MORN1: variants seen among roughly 807,000 people sequenced by gnomAD.
The protein encoded by MORN1 is MORN repeat containing 1, also known as MORN repeat-containing protein 1.
In MORN1, 67 loss-of-function variants were observed where a neutral mutation model predicts 61.9. The ratio of observed to expected loss-of-function variants is 1.08; its 90% confidence interval spans 0.89 to 1.33. MORN1 has a LOEUF of 1.33. Among genes scored for constraint, MORN1 ranks in the 40% most tolerant of loss-of-function variants. The pLI is 0.00. For synonymous variants in MORN1, 301 were observed against 292.0 expected, an observed-to-expected ratio of 1.03 and a Z score of -0.31; for missense variants, 752 against 691.2, an observed-to-expected ratio of 1.09 and a Z score of -0.99.
At chr1:2,323,147 G>A in intron 13 of MORN1, 1 of 985,454 alleles carries the variant, frequency 1.0e-6, no homozygotes, top group East Asian at 1.1e-4. Flanking sequence ...CTGGGACGCG[G>A]TGGACCGGTT....
chr1:2,322,224 T>G, intron 13 of MORN1: 14 of 984,994 alleles, frequency 1.4e-5, no homozygotes, highest in Non-Finnish European at 1.6e-5. Flanking sequence ...AAAAAGAAAA[T>G]AAGAAATAAC....
chr1:2,350,037 C>T (rs1641611833), intron 10 of MORN1, among the ~76,000 whole-genome samples: 1 of 152,250 alleles, frequency 6.6e-6, no homozygotes, highest in African/African-American at 2.4e-5. Context: ...AGCACCTGCA[C>T]TCCAACTCAA....
intron 6 of MORN1, among the ~76,000 whole-genome samples, chr1:2,381,096 G>A (rs968702300): frequency 1.3e-5 from 2 of 152,224 alleles, no homozygotes; most frequent in African/African-American, 2.4e-5. Context: ...AGAGAGCCTC[G>A]CTTCTCCTCA....
Position 2,365,128 on chromosome 1 carries a change from T to C in MORN1, c.746-6413A>G, listed in dbSNP as rs1203533407. On this transcript the variant is annotated intron_variant, in intron 8 of 13. Coordinates refer to ENST00000378531, the MANE Select transcript of MORN1 (RefSeq NM_024848.3). ...CATTGGTAGCTTGATGGGGATGGCA[T>C]TGAATCTATAAATTACCTTGGGCAG... 2.6e-5 allele frequency among the ~76,000 whole-genome samples: 4 copies of C among 151,008 alleles called. No homozygotes were observed. The East Asian group carries it at 5.8e-4, about 22-fold the overall frequency.
intron 12 of MORN1, among the ~76,000 whole-genome samples, chr1:2,333,519 G>C (rs1306912511): frequency 6.6e-6 from 1 of 152,316 alleles, no homozygotes; most frequent in African/African-American, 2.4e-5. Context: ...TCAGTCACAG[G>C]GCCACACTGT....
At chr1:2,380,844 C>T (rs1557891625) in intron 6 of MORN1, among the ~76,000 whole-genome samples, 1 of 152,236 alleles carries the variant, frequency 6.6e-6, no homozygotes, top group African/African-American at 2.4e-5. Context: ...GTGTGAGCCA[C>T]TGTGCCTGGT....
Position 2,345,094 on chromosome 1 carries a change from C to T in MORN1, c.1037-8244G>A, listed in dbSNP as rs868620915. Among the ~76,000 whole-genome samples, 64 of 152,048 alleles carry T rather than the reference C, an allele frequency of 4.2e-4. No homozygotes were observed. In the Middle Eastern group the frequency reaches 0.01, roughly 24 times the overall value. On this transcript the variant is annotated intron_variant, in intron 10 of 13. Coordinates refer to ENST00000378531, the MANE Select transcript of MORN1 (RefSeq NM_024848.3). Reference sequence around the variant, plus strand: ...CTCCAGGAGGGTCCACGCGTGCTCACGCTCTACGCTCATGGATGGCCACAT... The same window carrying T: ...CTCCAGGAGGGTCCACGCGTGCTCATGCTCTACGCTCATGGATGGCCACAT...
intron 12 of MORN1, among the ~76,000 whole-genome samples, chr1:2,331,023 C>T (rs982286921): frequency 3.3e-5 from 5 of 152,232 alleles, no homozygotes; most frequent in African/African-American, 1.2e-4. Context: ...CAGCCAGAGG[C>T]CCTCTCAGAA....
In MORN1 at chr1:2,388,609, C is replaced by T; in HGVS notation, c.149-272G>A. On this transcript the variant is annotated intron_variant, in intron 2 of 13. Coordinates refer to ENST00000378531, the MANE Select transcript of MORN1 (RefSeq NM_024848.3). Reference sequence around the variant, plus strand: ...CCTGAGCAACACGGAGAGACCCCGTCTCTACACAAAATTTTAAAAATTAGC... The same window carrying T: ...CCTGAGCAACACGGAGAGACCCCGTTTCTACACAAAATTTTAAAAATTAGC... 2.8e-5 allele frequency: 10 copies of T among 350,896 alleles called. No homozygotes were observed. In the South Asian group the frequency reaches 3.4e-4, roughly 12 times the overall value. 21.7% of individuals were successfully genotyped at this position (350,896 alleles called of 1,614,324 possible).
At chr1:2,367,051 T>C (rs1642011056) in intron 8 of MORN1, among the ~76,000 whole-genome samples, 2 of 151,818 alleles carry the variant, frequency 1.3e-5, no homozygotes, top group Non-Finnish European at 2.9e-5. Flanking sequence ...TCAACAAAAT[T>C]GACCTGATTT....
At position 2,357,422 on chromosome 1, in the gene MORN1, C is replaced by A. The variant is rs1641799789; in HGVS notation, c.1036+10G>T. 1.9e-6 allele frequency: 3 copies of A among 1,585,602 alleles called. No individual in the cohort carries two copies. The African/African-American group carries it at 4.0e-5, about 21-fold the overall frequency. ...CACCCACCCCCAACTGGTTTGTGAG[C>A]TCCACTTACCAAGCAGGCCACCAGG... On this transcript the variant is annotated intron_variant, in intron 10 of 13. Transcript: ENST00000378531. The surrounding 1 kb of genome is among the most constrained non-coding windows in gnomAD (Gnocchi z 6.3).
At chr1:2,346,739 T>A (rs140889066) in intron 10 of MORN1, among the ~76,000 whole-genome samples, 120 of 152,272 alleles carry the variant, frequency 7.9e-4, no homozygotes, top group African/African-American at 2.8e-3. Context: ...CCTTCCCCCA[T>A]CTCGACCTAA....
intron 12 of MORN1, among the ~76,000 whole-genome samples, chr1:2,325,109 C>A (rs1640977837): frequency 9.6e-6 from 1 of 104,022 alleles, no homozygotes; most frequent in Non-Finnish European, 1.8e-5. Flanking sequence ...CTCCCCTTTC[C>A]TTCCCTTCCT....
intron 6 of MORN1, chr1:2,377,276 T>C (rs1476057985): frequency 6.6e-6 from 1 of 152,286 alleles, no homozygotes; most frequent in Non-Finnish European, 1.5e-5. Flanking sequence ...GGTTCCAAAG[T>C]CAGGAAGCAG....
At chr1:2,348,965 C>T (rs955021673) in intron 10 of MORN1, among the ~76,000 whole-genome samples, 2 of 152,188 alleles carry the variant, frequency 1.3e-5, no homozygotes, top group Admixed American at 6.5e-5. Flanking sequence ...TGCCAGCCCA[C>T]GGGTTCCTTC....
chr1:2,330,308 A>G (rs1641122114), intron 12 of MORN1, among the ~76,000 whole-genome samples: 1 of 152,174 alleles, frequency 6.6e-6, no homozygotes, highest in African/African-American at 2.4e-5. Flanking sequence ...CTCTCGCCCC[A>G]TGTGTCTCCA....
Position 2,346,277 on chromosome 1 carries a change from G to A in MORN1, c.1037-9427C>T, listed in dbSNP as rs144095884. Among the ~76,000 whole-genome samples, 815 of 152,328 alleles carry A rather than the reference G, an allele frequency of 5.4e-3. 4 individuals are homozygous for A. Among genetic ancestry groups the A allele is most frequent in the African/African-American group, 0.018 (761 of 41,562 alleles). On this transcript the variant is annotated intron_variant, in intron 10 of 13. Transcript: ENST00000378531. Reference sequence around the variant, plus strand: ...GTGCCCGCAGTCAGGGAAAGGCCCCGGAAGGTTCCCAAGTGCTGGGAGGCT... The same window carrying A: ...GTGCCCGCAGTCAGGGAAAGGCCCCAGAAGGTTCCCAAGTGCTGGGAGGCT...
chr1:2,378,907 G>A (rs1173326169), intron 6 of MORN1: 6 of 456,152 alleles, frequency 1.3e-5, no homozygotes, highest in Non-Finnish European at 2.6e-5. Context: ...CCTGAGCCGC[G>A]TGGCTCCTGT....
intron 12 of MORN1, 89 bp downstream of exon 12, chr1:2,336,380 C>A: frequency 7.3e-7 from 1 of 1,365,248 alleles, no homozygotes; most frequent in East Asian, 2.4e-5. Flanking sequence ...CCTTGGCTCC[C>A]CTGGGCCTTC....
Sources: gnomAD v4.1 joint callset for allele counts (sites outside exome capture counted in the v4.1 genomes callset) on GRCh38, gnomAD v4.1.1 for gene constraint, Gnocchi (gnomAD v3.1) non-coding constraint, MANE v1.5 for transcripts, NCBI Gene and HGNC (gene_info 2026-07-23, HGNC 2026-07-21) for gene names.